CPEB2: variants seen among roughly 807,000 people sequenced by gnomAD.
CPEB2 encodes the protein cytoplasmic polyadenylation element binding protein 2.
In CPEB2, 56 loss-of-function variants were observed where a neutral mutation model predicts 93.6. The ratio of observed to expected loss-of-function variants is 0.60; its 90% CI spans 0.48 to 0.75. The LOEUF is 0.75. Among genes scored for constraint, CPEB2 ranks in the 30% least tolerant of loss-of-function variants. CPEB2 has a pLI of 0.00. For missense variants in CPEB2, 1,579 were observed against 1,395.1 expected (o/e 1.13, Z -2.10); for synonymous variants, 764 against 586.3 (o/e 1.30, Z -4.38).
At chr4:15,005,335 T>G (rs1348060766) in intron 1 of CPEB2, among the ~76,000 whole-genome samples, 3 of 152,250 alleles carry the variant, frequency 2.0e-5, no homozygotes, top group Non-Finnish European at 2.9e-5. Flanking sequence ...TTTGGTTGCC[T>G]TAACCTTCTA....
At chr4:15,011,164 G>T (rs1443095708) in intron 3 of CPEB2, among the ~76,000 whole-genome samples, 1 of 143,180 alleles carries the variant, frequency 7.0e-6, no homozygotes, top group Non-Finnish European at 1.5e-5. Flanking sequence ...GCAGTGGCAC[G>T]ATCTCGTCTC....
chr4:15,006,029 C>CCATG (rs1316244596), intron 1 of CPEB2, among the ~76,000 whole-genome samples: 6 of 151,050 alleles, frequency 4.0e-5, no homozygotes, highest in African/African-American at 1.5e-4. Flanking sequence ...ATGGGTCTAG[C>CCATG]CATGGAGTGT....
intron 8 of CPEB2, among the ~76,000 whole-genome samples, chr4:15,056,473 C>T (rs1352446301): frequency 2.6e-5 from 4 of 152,024 alleles, no homozygotes; most frequent in African/African-American, 7.2e-5. Flanking sequence ...TTGTTGCTAT[C>T]GTTATTGTGG....
chr4:15,064,178 G>A (rs570517072), intron 11 of CPEB2, among the ~76,000 whole-genome samples: 1 of 152,214 alleles, frequency 6.6e-6, no homozygotes, highest in South Asian at 2.1e-4. Flanking sequence ...CACCACAGAT[G>A]TGTAATTCAT....
rs1245301468 is a variant in CPEB2, at chr4:15,052,447, T to C, written c.2234T>C (p.Leu745Ser). 1 of 1,562,258 alleles carries C rather than the reference T, an allele frequency of 6.4e-7. No individual in the cohort carries two copies. Among genetic ancestry groups the C allele is most frequent in the Admixed American group, 1.8e-5 (1 of 56,084 alleles). The change falls in exon 7 of 12, where the codon TTG (leucine) becomes TCG (serine). Residue 745 changes from leucine to serine, a missense_variant. Leu to Ser is a moderately radical substitution (Grantham distance 145, BLOSUM62 -2). Around this residue, in one of 2 missense-constraint regions of CPEB2, gnomAD observed 1,411 missense variants for 1,056.0 expected, o/e 1.34. Transcript: ENST00000538197. ...TCCCTCTTTCCAATAGATGATGGCTTGCTTGATGATGGTCACAGTGATCAA... is the reference window on the plus strand; with the variant it reads ...TCCCTCTTTCCAATAGATGATGGCTCGCTTGATGATGGTCACAGTGATCAA... ...RSSLFPIDDG[L>S]LDDGHSDQVG... is the part of the protein sequence containing the mutation.
chr4:15,034,500 C>G (rs1024586902), intron 5 of CPEB2, among the ~76,000 whole-genome samples: 1 of 152,112 alleles, frequency 6.6e-6, no homozygotes, highest in African/African-American at 2.4e-5. Context: ...GTGGACAAGT[C>G]GGCTTTGTGT....
chr4:15,014,192 T>C (rs2108977744), intron 3 of CPEB2, among the ~76,000 whole-genome samples: 1 of 152,186 alleles, frequency 6.6e-6, no homozygotes, highest in South Asian at 2.1e-4. Flanking sequence ...TTGGGTGATT[T>C]AATAGTTACC....
intron 6 of CPEB2, among the ~76,000 whole-genome samples, chr4:15,048,367 TTTTTA>T (rs1727911661): frequency 6.6e-6 from 1 of 151,974 alleles, no homozygotes; most frequent in East Asian, 1.9e-4. Context: ...TCGGAAGATT[TTTTTA>T]TTTTAAGTTA....
At chr4:15,040,395 G>T in intron 5 of CPEB2, 69 bp from the exon 6 acceptor site, 1 of 1,447,774 alleles carries the variant, frequency 6.9e-7, no homozygotes, top group South Asian at 1.2e-5. Context: ...TTTCGTATCA[G>T]AAATATTTGT....
In CPEB2 at chr4:15,003,568, G is replaced by A; in HGVS notation, c.895G>A (p.Ala299Thr). The A allele has an allele frequency of 6.8e-7, 1 of 1,467,610 alleles. No individual in the cohort carries two copies. Among genetic ancestry groups the A allele is most frequent in the Non-Finnish European group, 9.0e-7 (1 of 1,113,458 alleles). 90.9% of individuals were successfully genotyped at this position (1,467,610 alleles called of 1,614,324 possible). A position where few individuals can be genotyped will look rare whatever the true frequency, so the allele number is the denominator to read the frequency against. Reference protein sequence around the residue: ...GEGSAAESPNAGLASSTPVNP... With the variant: ...GEGSAAESPNTGLASSTPVNP... ...GGGCAGCGCCGCCGAGTCCCCCAAT[G>A]CGGGCTTGGCCTCCTCGACGCCGGT... Residue 299 changes from alanine (A) to threonine (T), a missense_variant, in exon 1 of 12, where the codon GCG becomes ACG. Physicochemically the swap from Ala to Thr is moderately conservative, Grantham distance 58. Coordinates refer to ENST00000538197, the MANE Select transcript of CPEB2 (RefSeq NM_001177382.2).
At position 15,010,923 on chromosome 4, in the gene CPEB2, G is replaced by A. The variant is rs570009201; in HGVS notation, c.2034+2496G>A. Among the ~76,000 whole-genome samples the A allele has an allele frequency of 4.9e-4, 74 of 152,050 alleles. No individual in the cohort carries two copies. The Middle Eastern group carries it at 0.01, about 21-fold the overall frequency. ...AAATAAGAAAGAGCTAGTTTTGTAG[G>A]TTGATTTTTATTTCTGTTAATATGT... is the stretch of plus-strand genomic sequence containing the variant. On this transcript the variant is annotated intron_variant, in intron 3 of 11. Transcript: ENST00000538197.
chr4:15,063,375 A>T (rs761357720), intron 11 of CPEB2, among the ~76,000 whole-genome samples: 29 of 152,058 alleles, frequency 1.9e-4, no homozygotes, highest in Non-Finnish European at 1.6e-4. Flanking sequence ...TGCCAAAAAA[A>T]AAAAACTAAG....
chr4:15,065,104 C>T (rs1357114912), intron 11 of CPEB2, among the ~76,000 whole-genome samples: 5 of 152,008 alleles, frequency 3.3e-5, no homozygotes, highest in Non-Finnish European at 7.4e-5. Context: ...AAATGAACAT[C>T]CTACAGTTCT....
chr4:15,053,382 G>T (rs932139899), intron 7 of CPEB2, among the ~76,000 whole-genome samples: 1 of 152,136 alleles, frequency 6.6e-6, no homozygotes, highest in Non-Finnish European at 1.5e-5. Flanking sequence ...TATTAAACCC[G>T]AAAGGGAAAT....
chr4:15,007,568 T>C lies in CPEB2; in HGVS notation c.1926T>C (p.Asn642=). ...DNVFRTDNNS[N]TLLPLQVRSS... is the part of the protein sequence containing the mutation. ...TGTTCAGAACAGACAACAATAGTAA[T>C]ACACTCTTACCCTTACAGGTAAGAA... Residue 642 remains asparagine, a synonymous_variant, in exon 2 of 12, where the codon AAT becomes AAC. Transcript: ENST00000538197. 6.2e-7 allele frequency: 1 copy of C among 1,602,588 alleles called. No individual in the cohort carries two copies. The highest frequency in any genetic ancestry group is 8.5e-7 in the Non-Finnish European group (1 of 1,172,394).
Position 15,070,116 on chromosome 4 carries a change from T to A in CPEB2, c.*3736T>A, listed in dbSNP as rs1729979143. On this transcript the variant is annotated 3_prime_UTR_variant, in exon 12 of 12. Coordinates refer to ENST00000538197, the MANE Select transcript of CPEB2 (RefSeq NM_001177382.2). ...AAGTAATTTTTAAATATTTGTAATA[T>A]TGTTGACTGACTAATAAACTATTAA... The A allele has an allele frequency of 6.6e-6, 1 of 152,304 alleles. No homozygotes were observed. Among genetic ancestry groups the A allele is most frequent in the Non-Finnish European group, 1.5e-5 (1 of 67,860 alleles). The allele number at this position is 152,304 out of a possible 1,614,324, so 9.4% of individuals were successfully genotyped here. A position where few individuals can be genotyped will look rare whatever the true frequency, so the allele number is the denominator to read the frequency against.
intron 11 of CPEB2, among the ~76,000 whole-genome samples, chr4:15,062,581 AC>A (rs1434788723): frequency 1.3e-5 from 2 of 152,122 alleles, no homozygotes; most frequent in South Asian, 4.1e-4. Flanking sequence ...CTGGGATTGA[AC>A]CCCATTTCTA....
chr4:15,052,609 A>G (rs555358542), intron 7 of CPEB2, 25 bp downstream of exon 7: 9 of 1,411,902 alleles, frequency 6.4e-6, no homozygotes, highest in African/African-American at 2.9e-5. Flanking sequence ...ATTTATTAAC[A>G]TGGTGATTTG....
chr4:15,065,995 T>G (rs112824353), intron 11 of CPEB2, among the ~76,000 whole-genome samples, 158 bp from the exon 12 acceptor site: 238 of 152,228 alleles, frequency 1.6e-3, no homozygotes, highest in African/African-American at 5.5e-3. Flanking sequence ...TTAAAGTGTT[T>G]TAACCTACTA....
Sources: gnomAD v4.1 joint callset for allele counts (sites outside exome capture counted in the v4.1 genomes callset) on GRCh38, gnomAD v4.1.1 for gene constraint, gnomAD v4.1.1 regional missense constraint, MANE v1.5 for transcripts, NCBI Gene and HGNC (gene_info 2026-07-23, HGNC 2026-07-21) for gene names.